The following MIGA2 variants were observed in gnomAD, a reference collection of about 807,000 sequenced individuals.
MIGA2 encodes family with sequence similarity 73, member B.
Under a neutral mutation model 69.9 loss-of-function variants are expected in MIGA2, and 36 were observed. That is an observed-to-expected ratio of 0.52 (90% confidence interval 0.39 to 0.68). The LOEUF is 0.68. Ranked by LOEUF, MIGA2 falls within the 30% of genes least tolerant of loss-of-function variation. The pLI is 0.00. For synonymous variants in MIGA2, 333 were observed against 349.2 expected, an observed-to-expected ratio of 0.95 and a Z score of 0.52; for missense variants, 660 against 787.7, an observed-to-expected ratio of 0.84 and a Z score of 1.94.
chr9:129,046,297 C>T (rs1845218368), intron 3 of MIGA2, among the ~76,000 whole-genome samples: 2 of 152,248 alleles, frequency 1.3e-5, no homozygotes, highest in African/African-American at 4.8e-5. Context: ...TCTGCCTGCT[C>T]TCATTTCACC....
chr9:129,065,011 G>A (rs142376962), intron 11 of MIGA2, among the ~76,000 whole-genome samples: 4,925 of 151,904 alleles, frequency 0.032, 189 homozygotes, highest in South Asian at 0.099. Flanking sequence ...TCAAACTCCT[G>A]ACCTCAGGTG....
intron 1 of MIGA2, among the ~76,000 whole-genome samples, chr9:129,037,845 C>T (rs958171357): frequency 6.6e-6 from 1 of 152,140 alleles, no homozygotes; most frequent in South Asian, 2.1e-4. Context: ...GCCTTGAGAT[C>T]CCCCAGAGCT....
intron 1 of MIGA2, among the ~76,000 whole-genome samples, chr9:129,039,437 G>A (rs563886963): frequency 6.6e-6 from 1 of 152,034 alleles, no homozygotes; most frequent in South Asian, 2.1e-4. Flanking sequence ...AGTAGAGATG[G>A]GGTTTCACTG....
At chr9:129,062,872 A>T (rs2131383944) in intron 9 of MIGA2, among the ~76,000 whole-genome samples, 1 of 152,296 alleles carries the variant, frequency 6.6e-6, no homozygotes, top group South Asian at 2.1e-4. Context: ...CTGACCAGAA[A>T]TGAATCAGAC....
intron 11 of MIGA2, among the ~76,000 whole-genome samples, chr9:129,064,833 A>G (rs1198905552): frequency 6.7e-6 from 1 of 149,060 alleles, no homozygotes. Context: ...CCCAGTCTGG[A>G]GTGCAATGTC....
chr9:129,043,459 T>A (rs1845034063), intron 3 of MIGA2, among the ~76,000 whole-genome samples: 2 of 150,772 alleles, frequency 1.3e-5, no homozygotes, highest in South Asian at 4.2e-4. Flanking sequence ...CAATCTCGGT[T>A]CATTGCAGCC....
rs1411348507 is a variant in MIGA2 at position 129,068,395 on chromosome 9, T to C, written c.1404+63T>C. ...ACATCAGCCCGTGTGGTTGCCTGGC[T>C]CCGTCCCCTCTGTCCCTAGCACTGG... On this transcript the variant is annotated intron_variant, in intron 13 of 15. Coordinates refer to ENST00000684074, the MANE Select transcript of MIGA2 (RefSeq NM_001329990.2). The surrounding 1 kb of genome is among the most constrained non-coding windows in gnomAD (Gnocchi z 4.1). 6.3e-7 allele frequency: 1 copy of C among 1,588,684 alleles called. No individual in the cohort carries two copies. Among genetic ancestry groups the C allele is most frequent in the Non-Finnish European group, 8.5e-7 (1 of 1,174,592 alleles).
At position 129,069,929 on chromosome 9, in the gene MIGA2, C is replaced by T. The variant is rs1357526309; in HGVS notation, c.1539C>T (p.Pro513=). The stretch of plus-strand genomic sequence containing the variant: ...TCCTAGCCTTCGGCTTCCTTGGACC[C>T]AAGCCTCAGCTTGCTGAAGTCTGTG... The part of the protein sequence containing the change: ...SPVLAFGFLG[P]KPQLAEVCAF... The change falls in exon 15 of 16, where the codon CCC becomes CCT. Residue 513 remains proline, a synonymous_variant. Coordinates refer to ENST00000684074, the MANE Select transcript of MIGA2 (RefSeq NM_001329990.2). The surrounding 1 kb of genome is among the most constrained non-coding windows in gnomAD (Gnocchi z 4.9). 1 of 1,611,514 alleles carries T rather than the reference C, an allele frequency of 6.2e-7. No individual in the cohort carries two copies. Among genetic ancestry groups the T allele is most frequent in the South Asian group, 1.1e-5 (1 of 90,838 alleles).
At chr9:129,053,366 A>AT (rs112922743) in intron 6 of MIGA2, among the ~76,000 whole-genome samples, 4,704 of 145,532 alleles carry the variant, frequency 0.032, 214 homozygotes, top group African/African-American at 0.11. Context: ...TATTGCTATA[A>AT]TTTTTTTTTT....
rs900828998 is a variant in MIGA2, at chr9:129,061,111, G to A, written c.895-120G>A. On this transcript the variant is annotated intron_variant, in intron 8 of 15. Coordinates refer to ENST00000684074, the MANE Select transcript of MIGA2 (RefSeq NM_001329990.2). The surrounding 1 kb of genome is among the most constrained non-coding windows in gnomAD (Gnocchi z 5.0). ...TTCCCTCTGACATCCCCTCAGAGACGTTGGCAGTGGGCAGGCACCTGGGGT... is the reference window on the plus strand; with the variant it reads ...TTCCCTCTGACATCCCCTCAGAGACATTGGCAGTGGGCAGGCACCTGGGGT... 1.0e-5 allele frequency: 8 copies of A among 785,646 alleles called. No individual in the cohort carries two copies. The highest frequency in any genetic ancestry group is 3.4e-4 in the Middle Eastern group (1 of 2,906). 48.7% of individuals were successfully genotyped at this position (785,646 alleles called of 1,614,324 possible). A position where few individuals can be genotyped will look rare whatever the true frequency, so the allele number is the denominator to read the frequency against.
rs751753769 is a variant in MIGA2, at chr9:129,070,467, TG to T, written c.*20del. On this transcript the variant is annotated 3_prime_UTR_variant, in exon 16 of 16. Coordinates refer to ENST00000684074, the MANE Select transcript of MIGA2 (RefSeq NM_001329990.2). ...GAGCTGCAGTAGAGGCGGCACGGGC[TG>T]GGGGGTGGCAGAGAGAAGGCTCCTC... 12 of 1,528,380 alleles carry T rather than the reference TG, an allele frequency of 7.9e-6. No homozygotes were observed. The highest frequency in any genetic ancestry group is 2.4e-5 in the East Asian group (1 of 42,464). 94.7% of individuals were successfully genotyped at this position (1,528,380 alleles called of 1,614,324 possible). A position where few individuals can be genotyped will look rare whatever the true frequency, so the allele number is the denominator to read the frequency against.
chr9:129,040,241 C>T (rs577285323), intron 1 of MIGA2, among the ~76,000 whole-genome samples: 4 of 152,300 alleles, frequency 2.6e-5, no homozygotes, highest in African/African-American at 7.2e-5. Context: ...GAGATGTTTC[C>T]GCTCGCAGGG....
chr9:129,067,211 A>C (rs1434588967), intron 11 of MIGA2, among the ~76,000 whole-genome samples: 1 of 151,914 alleles, frequency 6.6e-6, no homozygotes, highest in Non-Finnish European at 1.5e-5. Flanking sequence ...GTTTTTCTAC[A>C]TCGTAAATGC....
intron 11 of MIGA2, among the ~76,000 whole-genome samples, chr9:129,063,920 C>T (rs1341636231): frequency 6.6e-6 from 1 of 152,154 alleles, no homozygotes; most frequent in East Asian, 1.9e-4. Flanking sequence ...GCGTGGAGAG[C>T]GCCACACGAG....
chr9:129,065,701 A>G (rs1452251576), intron 11 of MIGA2, among the ~76,000 whole-genome samples: 1 of 152,172 alleles, frequency 6.6e-6, no homozygotes, highest in African/African-American at 2.4e-5. Flanking sequence ...CACCCAGGTT[A>G]GGAAGTGGGA....
rs12682790 is a variant in MIGA2, at chr9:129,061,070, A to G, written c.895-161A>G. Among the ~76,000 whole-genome samples, 4,946 of 152,150 alleles carry G rather than the reference A, an allele frequency of 0.033. 192 individuals carry two copies. Among genetic ancestry groups the G allele is most frequent in the South Asian group, 0.098 (475 of 4,830 alleles). On this transcript the variant is annotated intron_variant, in intron 8 of 15. Transcript: ENST00000684074. This position sits in a 1 kb window ranked among gnomAD's most constrained non-coding sequence, Gnocchi z 5.0. ...AGGGCCAGAACTGGGCTCGAACTGG[A>G]GCCTCCTGGCCAGTGTTCCCTCTGA... is the stretch of plus-strand genomic sequence containing the variant.
At chr9:129,063,730 A>T (rs1846191067) in intron 11 of MIGA2, 99 bp downstream of exon 11, 1 of 1,144,794 alleles carries the variant, frequency 8.7e-7, no homozygotes, top group African/African-American at 1.5e-5. Context: ...GCACAGGCTG[A>T]TACACGTTCC....
Position 129,063,303 on chromosome 9 carries a change from G to A in MIGA2, c.1070G>A (p.Arg357Gln), listed in dbSNP as rs766515943. 3 of 1,613,948 alleles carry A rather than the reference G, an allele frequency of 1.9e-6. No homozygotes were observed. The highest frequency in any genetic ancestry group is 1.1e-5 in the South Asian group (1 of 91,082). Residue 357 changes from arginine to glutamine, a missense_variant, in exon 10 of 16, where the codon CGG (arginine) becomes CAG (glutamine). Transcript: ENST00000684074. ...QDFLAKLHCV[R>Q]QAFEGLLEDK... ...TTTCTGGCCAAGCTGCACTGTGTGC[G>A]GCAGGCCTTCGAGGTGGGTGTGGCC...
At chr9:129,064,912 A>G (rs1846263553) in intron 11 of MIGA2, among the ~76,000 whole-genome samples, 1 of 150,198 alleles carries the variant, frequency 6.7e-6, no homozygotes, top group Non-Finnish European at 1.5e-5. Flanking sequence ...CCTCCTGAGT[A>G]GCTGGGATTA....
Sources: gnomAD v4.1 joint callset for allele counts (sites outside exome capture counted in the v4.1 genomes callset) on GRCh38, gnomAD v4.1.1 for gene constraint, Gnocchi (gnomAD v3.1) non-coding constraint, MANE v1.5 for transcripts, NCBI Gene and HGNC (gene_info 2026-07-23, HGNC 2026-07-21) for gene names.